Variants in CELSR1 observed in about 807,000 individuals in gnomAD.
CELSR1 encodes the protein adhesion G protein-coupled receptor C1.
In CELSR1, 110 loss-of-function variants were observed where a neutral mutation model predicts 249.1. The observed-to-expected ratio is 0.44, with a 90% CI of 0.38 to 0.52. CELSR1 has a LOEUF of 0.52. CELSR1 is among the 20% of genes least tolerant of loss of function. The pLI is 0.00. For synonymous variants in CELSR1, 2,113 were observed against 1,900.0 expected (o/e 1.11, Z -2.92); for missense variants, 4,109 against 4,296.4 (o/e 0.96, Z 1.22).
rs758841201 is a variant in CELSR1 at position 46,406,073 on chromosome 22, C to G, written c.5226+2923G>C. Among the ~76,000 whole-genome samples the G allele has an allele frequency of 6.6e-6, 1 of 152,162 alleles. No individual in the cohort carries two copies. Among genetic ancestry groups the G allele is most frequent in the African/African-American group, 2.4e-5 (1 of 41,432 alleles). On this transcript the variant is annotated intron_variant, in intron 9 of 34. Transcript: ENST00000674500. This position sits in a 1 kb window ranked among gnomAD's most constrained non-coding sequence, Gnocchi z 5.4. The stretch of plus-strand genomic sequence containing the variant: ...CATGATGTAATTACACAAACAGCAC[C>G]GGAGTCTGTGGCTTCCAGCACCATT...
rs1240849252 is a variant in CELSR1, at chr22:46,374,090, G to T, written c.7585-1033C>A. Among the ~76,000 whole-genome samples, 1 of 152,250 alleles carries T rather than the reference G, an allele frequency of 6.6e-6. No homozygotes were observed. Among genetic ancestry groups the T allele is most frequent in the African/African-American group, 2.4e-5 (1 of 41,472 alleles). ...GGAACAGAGCAGGAACCGAAGCAGGGAACGCAGGCTCAAGTTATGCCAGAG... is the reference window on the plus strand; with the variant it reads ...GGAACAGAGCAGGAACCGAAGCAGGTAACGCAGGCTCAAGTTATGCCAGAG... On this transcript the variant is annotated intron_variant, in intron 24 of 34. Coordinates refer to ENST00000674500, the MANE Select transcript of CELSR1 (RefSeq NM_001378328.1). The surrounding 1 kb of genome is among the most constrained non-coding windows in gnomAD (Gnocchi z 4.3).
chr22:46,365,824 T>C, intron 30 of CELSR1, 135 bp from the exon 31 acceptor site: 1 of 210,732 alleles, frequency 4.7e-6, no homozygotes, highest in Non-Finnish European at 7.6e-6. Context: ...GCCTCCCGAG[T>C]ATGTGGGGGA....
intron 1 of CELSR1, among the ~76,000 whole-genome samples, chr22:46,519,008 G>A (rs187293197): frequency 6.6e-6 from 1 of 152,116 alleles, no homozygotes; most frequent in Non-Finnish European, 1.5e-5. Flanking sequence ...ACTCCAGCCT[G>A]GGTAACGGAG....
rs1213039400 is a variant in CELSR1 at position 46,484,731 on chromosome 22, T to G, written c.3545-20386A>C. The stretch of plus-strand genomic sequence containing the variant: ...AGCGCTCACAGGGACCCCGCCCAGG[T>G]GCTGGGGAGGTCCGGCTGCTGCCTG... On this transcript the variant is annotated intron_variant, in intron 1 of 34. Coordinates refer to ENST00000674500, the MANE Select transcript of CELSR1 (RefSeq NM_001378328.1). The surrounding 1 kb of genome is among the most constrained non-coding windows in gnomAD (Gnocchi z 4.5). 7.2e-6 allele frequency among the ~76,000 whole-genome samples: 1 copy of G among 139,422 alleles called. No homozygotes were observed. The allele number at this position is 139,422 out of a possible 152,430, so 91.5% of individuals were successfully genotyped here.
Position 46,364,746 on chromosome 22 carries a change from G to C in CELSR1, c.8555-10C>G, listed in dbSNP as rs571334219. 41 of 1,609,584 alleles carry C rather than the reference G, an allele frequency of 2.5e-5. 1 individual carries two copies. The South Asian group carries it at 4.1e-4, about 16-fold the overall frequency. On this transcript the variant is annotated splice_polypyrimidine_tract_variant and intron_variant, in intron 32 of 34. Transcript: ENST00000674500. ...TTGGCCACAGCGTCCCCTGAGGCAC[G>C]AGAGCGGTGCTCAGCAGGCAGCGGC...
At chr22:46,387,445 G>C (rs1345100649) in intron 18 of CELSR1, among the ~76,000 whole-genome samples, 1 of 152,034 alleles carries the variant, frequency 6.6e-6, no homozygotes, top group Non-Finnish European at 1.5e-5. Flanking sequence ...CAGTGGCACA[G>C]TCTTGGCTCA....
chr22:46,457,539 A>C (rs1375894545), intron 2 of CELSR1, among the ~76,000 whole-genome samples: 10 of 152,194 alleles, frequency 6.6e-5, no homozygotes, highest in African/African-American at 2.4e-4. Flanking sequence ...AGCCTTGCAG[A>C]AAAACCCGCC....
chr22:46,453,889 G>C (rs1460305288), intron 2 of CELSR1, among the ~76,000 whole-genome samples: 1 of 152,172 alleles, frequency 6.6e-6, no homozygotes, highest in Non-Finnish European at 1.5e-5. Flanking sequence ...TGTTTAATTA[G>C]GGAGAGGAGA....
chr22:46,416,467 G>T (rs1198093453), intron 5 of CELSR1, among the ~76,000 whole-genome samples: 2 of 147,434 alleles, frequency 1.4e-5, no homozygotes, highest in Admixed American at 1.3e-4. Context: ...GCTGGACCTG[G>T]TCACTCAGGC....
intron 1 of CELSR1, among the ~76,000 whole-genome samples, chr22:46,520,490 T>G (rs2147791148): frequency 6.6e-6 from 1 of 152,298 alleles, no homozygotes; most frequent in African/African-American, 2.4e-5. Flanking sequence ...GACGGAGTCT[T>G]GCTCTTCTCA....
At chr22:46,465,230 G>C (rs967316510) in intron 1 of CELSR1, among the ~76,000 whole-genome samples, 3 of 152,068 alleles carry the variant, frequency 2.0e-5, no homozygotes, top group Non-Finnish European at 4.4e-5. Flanking sequence ...CTCAGATGTG[G>C]GGTGGGATTT....
intron 2 of CELSR1, among the ~76,000 whole-genome samples, chr22:46,456,533 G>C (rs149971930): frequency 1.3e-5 from 2 of 151,680 alleles, no homozygotes; most frequent in Non-Finnish European, 2.9e-5. Context: ...CGTGGTGGTG[G>C]GCACCTGTAG....
intron 2 of CELSR1, among the ~76,000 whole-genome samples, chr22:46,450,185 G>A (rs918617182): frequency 9.2e-5 from 14 of 152,190 alleles, no homozygotes; most frequent in Admixed American, 5.2e-4. Context: ...GCCTCTTCCC[G>A]GGGACTTCAG....
chr22:46,394,979 C>A (rs544642558), intron 13 of CELSR1, among the ~76,000 whole-genome samples: 247 of 152,338 alleles, frequency 1.6e-3, no homozygotes, highest in Non-Finnish European at 2.7e-3. Context: ...TGAAGGCCCA[C>A]CTGCCTGCAA....
Position 46,536,539 on chromosome 22 carries a change from G to A in CELSR1, c.632C>T (p.Ser211Leu), listed in dbSNP as rs1340328444. 1 of 1,377,522 alleles carries A rather than the reference G, an allele frequency of 7.3e-7. No individual in the cohort carries two copies. Among genetic ancestry groups the A allele is most frequent in the Non-Finnish European group, 9.3e-7 (1 of 1,073,084 alleles). The allele number at this position is 1,377,522 out of a possible 1,614,324, so 85.3% of individuals were successfully genotyped here. Residue 211 changes from serine to leucine, a missense_variant, in exon 1 of 35, where the codon TCG becomes TTG. By Grantham distance (145) the Ser-to-Leu change is moderately radical. Around this residue, in one of 7 missense-constraint regions of CELSR1, gnomAD observed 673 missense variants for 636.8 expected, o/e 1.06. Coordinates refer to ENST00000674500, the MANE Select transcript of CELSR1 (RefSeq NM_001378328.1). ...EAATAGTPSA[S>L]PSPSPPLPPN... ...CGGCAGGGGCGGCGATGGGGATGGC[G>A]ACGCGGAGGGCGTCCCCGCGGTGGC...
intron 1 of CELSR1, among the ~76,000 whole-genome samples, chr22:46,519,019 C>T (rs528228986): frequency 1.3e-3 from 189 of 151,196 alleles, no homozygotes; most frequent in Non-Finnish European, 1.9e-3. Context: ...GGTAACGGAG[C>T]GAGACTCTGT....
intron 1 of CELSR1, among the ~76,000 whole-genome samples, chr22:46,491,484 C>T (rs2080366524): frequency 6.6e-6 from 1 of 151,962 alleles, no homozygotes; most frequent in Admixed American, 6.6e-5. Flanking sequence ...AGGCTGGTCT[C>T]ATACTCCTGA....
intron 20 of CELSR1, 129 bp downstream of exon 20, chr22:46,384,414 C>A: frequency 8.9e-7 from 1 of 1,117,966 alleles, no homozygotes; most frequent in Non-Finnish European, 1.2e-6. Flanking sequence ...GGACCTGGCA[C>A]CAGAGAGCAC....
In CELSR1 at chr22:46,518,416, C is replaced by T. The variant is rs574259412; in HGVS notation, c.3544+15211G>A. Among the ~76,000 whole-genome samples, 6 of 152,184 alleles carry T rather than the reference C, an allele frequency of 3.9e-5. No individual in the cohort carries two copies. The highest frequency in any genetic ancestry group is 1.3e-4 in the Admixed American group (2 of 15,282). ...CACATTGCACTGCGACAAGGCAAAC[C>T]GATGGTGTGCTCGGGCATTCGGGTG... On this transcript the variant is annotated intron_variant, in intron 1 of 34. Coordinates refer to ENST00000674500, the MANE Select transcript of CELSR1 (RefSeq NM_001378328.1). The surrounding 1 kb of genome is among the most constrained non-coding windows in gnomAD (Gnocchi z 5.2).
Sources: allele counts gnomAD v4.1 joint callset (sites outside exome capture counted in the v4.1 genomes callset), GRCh38; gene constraint gnomAD v4.1.1; regional missense constraint gnomAD v4.1.1; non-coding constraint Gnocchi (gnomAD v3.1); transcripts MANE v1.5; gene names NCBI Gene and HGNC (gene_info 2026-07-23, HGNC 2026-07-21).